The following LOC400499 variants were observed in gnomAD, a reference collection of about 807,000 sequenced individuals.
chr16:11,484,376 T>C, the LOC400499 span, among the ~76,000 whole-genome samples: 19 of 152,192 alleles, frequency 1.2e-4, no homozygotes, highest in African/African-American at 4.3e-4. Context: ...AGCTTTATCA[T>C]GGTGATGATC....
the LOC400499 span, among the ~76,000 whole-genome samples, chr16:11,444,590 T>A: frequency 6.6e-5 from 10 of 152,192 alleles, no homozygotes; most frequent in Non-Finnish European, 5.9e-5. Flanking sequence ...AAACCTAAAC[T>A]AGTTACTATC....
At chr16:11,396,381 T>C in the LOC400499 span, 1 of 877,382 alleles carries the variant, frequency 1.1e-6, no homozygotes, top group Non-Finnish European at 1.5e-6. Context: ...GAATGCTGGT[T>C]TGCAGTTCCT....
the LOC400499 span, among the ~76,000 whole-genome samples, chr16:11,417,103 T>A: frequency 2.0e-5 from 3 of 147,474 alleles, no homozygotes; most frequent in Non-Finnish European, 3.0e-5. Flanking sequence ...AAAAGAGATA[T>A]TGAAGTCCCA....
chr16:11,490,561 C>T, the LOC400499 span, among the ~76,000 whole-genome samples: 13 of 152,034 alleles, frequency 8.6e-5, no homozygotes, highest in East Asian at 1.9e-3. Context: ...ATTAGCTGGG[C>T]GAGGTGGTGG....
At chr16:11,463,783 G>T in the LOC400499 span, among the ~76,000 whole-genome samples, 1 of 152,076 alleles carries the variant, frequency 6.6e-6, no homozygotes, top group African/African-American at 2.4e-5. Flanking sequence ...ATACAGATGT[G>T]TCTACATATG....
At chr16:11,480,714 G>A in the LOC400499 span, among the ~76,000 whole-genome samples, 498 of 152,276 alleles carry the variant, frequency 3.3e-3, 5 homozygotes, top group African/African-American at 0.011. Flanking sequence ...AAATACACAC[G>A]TTCCCTAAGA....
At chr16:11,473,539 G>A in the LOC400499 span, among the ~76,000 whole-genome samples, 5 of 152,092 alleles carry the variant, frequency 3.3e-5, no homozygotes, top group South Asian at 2.1e-4. Context: ...CGGATCACCC[G>A]AGGTCAGGAG....
chr16:11,391,631 C>A, the LOC400499 span: 4 of 1,231,664 alleles, frequency 3.2e-6, no homozygotes, highest in Non-Finnish European at 4.1e-6. Context: ...CATTGATTTC[C>A]GCACAGGATT....
the LOC400499 span, among the ~76,000 whole-genome samples, chr16:11,504,923 GA>G: frequency 3.4e-4 from 50 of 147,296 alleles, no homozygotes; most frequent in South Asian, 4.5e-3. Flanking sequence ...ACCCTGTCTC[GA>G]AAAAAAAAAA....
chr16:11,379,994 G>T, the LOC400499 span, among the ~76,000 whole-genome samples: 1 of 152,100 alleles, frequency 6.6e-6, no homozygotes, highest in Non-Finnish European at 1.5e-5. Flanking sequence ...GTCTCACTCT[G>T]TCACCCAGGC....
chr16:11,402,143 G>A, the LOC400499 span: 6 of 399,028 alleles, frequency 1.5e-5, no homozygotes, highest in Admixed American at 8.8e-5. Context: ...GAGGGGCAGC[G>A]GGTGGGTGAG....
At chr16:11,459,188 A>ATTTTT in the LOC400499 span, among the ~76,000 whole-genome samples, 8 of 119,888 alleles carry the variant, frequency 6.7e-5, 1 homozygote, top group South Asian at 2.5e-4. Flanking sequence ...TCCTAAACCA[A>ATTTTT]TTTTTTTTTT....
chr16:11,445,768 C>T, the LOC400499 span, among the ~76,000 whole-genome samples: 1 of 152,008 alleles, frequency 6.6e-6, no homozygotes, highest in Non-Finnish European at 1.5e-5. Context: ...AGAATATATC[C>T]CTCTGACTGT....
chr16:11,525,637 T>C, the LOC400499 span, among the ~76,000 whole-genome samples: 2 of 152,124 alleles, frequency 1.3e-5, no homozygotes, highest in Non-Finnish European at 2.9e-5. Context: ...GCATCCTGCT[T>C]GTTTGCTCAA....
At chr16:11,398,623 G>T in the LOC400499 span, 1 of 819,392 alleles carries the variant, frequency 1.2e-6, no homozygotes. Flanking sequence ...TGTGCCGTCA[G>T]AGCTCTCATC....
the LOC400499 span, among the ~76,000 whole-genome samples, chr16:11,521,206 C>T: frequency 0.14 from 21,933 of 152,110 alleles, 2,967 homozygotes; most frequent in African/African-American, 0.36. Context: ...GAAACTCTTG[C>T]TAGCAAGTGC....
chr16:11,477,486 G>T, the LOC400499 span, among the ~76,000 whole-genome samples: 493 of 152,342 alleles, frequency 3.2e-3, 5 homozygotes, highest in African/African-American at 0.011. Flanking sequence ...ACCAGGCTTG[G>T]TTGGTCGGGA....
the LOC400499 span, among the ~76,000 whole-genome samples, chr16:11,498,431 G>A: frequency 3.9e-5 from 6 of 152,112 alleles, no homozygotes; most frequent in Admixed American, 2.6e-4. Flanking sequence ...GCAGTGAGCC[G>A]AGATTGCGCC....
chr16:11,417,556 G>A, the LOC400499 span: 1 of 398,186 alleles, frequency 2.5e-6, no homozygotes, highest in African/African-American at 2.1e-5. Flanking sequence ...CTGGGTCCAG[G>A]CCTGAGGCTG....
Sources: gnomAD v4.1 joint callset for allele counts (sites outside exome capture counted in the v4.1 genomes callset) on GRCh38, gnomAD v4.1.1 for gene constraint, MANE v1.5 for transcripts.